The following DIAPH3 variants were observed in gnomAD, a reference collection of about 807,000 sequenced individuals.
DIAPH3 encodes protein diaphanous homolog 3.
In DIAPH3, 117 loss-of-function variants were observed where a neutral mutation model predicts 144.3. The ratio of observed to expected loss-of-function variants is 0.81; its 90% CI spans 0.70 to 0.95. The LOEUF (loss-of-function observed/expected upper bound fraction) is 0.95, where lower values mean the gene tolerates loss of function less well. Among genes scored for constraint, DIAPH3 ranks in the 40% least tolerant of loss-of-function variants. The pLI is 0.00. For synonymous variants in DIAPH3, 519 were observed against 488.9 expected (o/e 1.06, Z -0.81); for missense variants, 1,421 against 1,412.7 (o/e 1.01, Z -0.09).
chr13:59,691,659 C>T (rs576883897), intron 27 of DIAPH3, among the ~76,000 whole-genome samples: 21 of 151,720 alleles, frequency 1.4e-4, no homozygotes, highest in East Asian at 7.7e-4. Context: ...GCATGTAGAA[C>T]GAATAAAATA....
intron 3 of DIAPH3, among the ~76,000 whole-genome samples, chr13:60,106,759 A>G (rs1023301280): frequency 6.6e-6 from 1 of 152,190 alleles, no homozygotes; most frequent in Non-Finnish European, 1.5e-5. Context: ...AGGGCCAATA[A>G]GCATGTGAAA....
intron 24 of DIAPH3, among the ~76,000 whole-genome samples, chr13:59,831,168 C>T (rs2041757336): frequency 6.6e-6 from 1 of 151,714 alleles, no homozygotes; most frequent in Admixed American, 6.6e-5. Context: ...TAGAAGAATG[C>T]CTGGCTTATA....
intron 17 of DIAPH3, among the ~76,000 whole-genome samples, chr13:59,960,433 TTA>T (rs1182884475): frequency 1.3e-5 from 2 of 152,070 alleles, no homozygotes; most frequent in Non-Finnish European, 2.9e-5. Flanking sequence ...TCCTAAAAAA[TTA>T]TCACTCTTCC....
chr13:60,105,246 T>A (rs1379685529), intron 3 of DIAPH3, among the ~76,000 whole-genome samples: 1 of 152,090 alleles, frequency 6.6e-6, no homozygotes, highest in Non-Finnish European at 1.5e-5. Context: ...AAGATACAAC[T>A]TTTTTCTTAA....
Position 59,959,388 on chromosome 13 carries a change from G to A in DIAPH3, c.2074+10556C>T, listed in dbSNP as rs551150280. 2.0e-5 allele frequency among the ~76,000 whole-genome samples: 3 copies of A among 152,266 alleles called. No homozygotes were observed. In the South Asian group the frequency reaches 6.2e-4, roughly 32 times the overall value. On this transcript the variant is annotated intron_variant, in intron 17 of 27. Transcript: ENST00000400324. ...AAAGATATCAATGCCCTAATTTCTGGACCCAGTGGATATTTTACCCCACAT... is the reference window on the plus strand; with the variant it reads ...AAAGATATCAATGCCCTAATTTCTGAACCCAGTGGATATTTTACCCCACAT...
intron 27 of DIAPH3, among the ~76,000 whole-genome samples, chr13:59,735,453 C>T (rs182296289): frequency 4.6e-5 from 7 of 152,220 alleles, no homozygotes; most frequent in East Asian, 1.9e-4. Context: ...CATTTGACAT[C>T]GTGTTAGGTG....
At chr13:60,023,419 T>C (rs1414742918) in intron 5 of DIAPH3, among the ~76,000 whole-genome samples, 2 of 152,046 alleles carry the variant, frequency 1.3e-5, no homozygotes, top group Non-Finnish European at 2.9e-5. Context: ...TGTTTTTATC[T>C]ATCTTTGGTT....
intron 27 of DIAPH3, among the ~76,000 whole-genome samples, chr13:59,670,467 G>T (rs1434507982): frequency 3.3e-5 from 5 of 152,100 alleles, no homozygotes; most frequent in Non-Finnish European, 7.4e-5. Flanking sequence ...CTGTAGAAAT[G>T]AGCAAGTCAG....
At chr13:59,751,128 A>G (rs1481683855) in intron 27 of DIAPH3, among the ~76,000 whole-genome samples, 1 of 152,286 alleles carries the variant, frequency 6.6e-6, no homozygotes, top group African/African-American at 2.4e-5. Flanking sequence ...AGAAGGAACA[A>G]CAAATGGCTA....
At chr13:59,910,186 A>G (rs2046923698) in intron 20 of DIAPH3, among the ~76,000 whole-genome samples, 1 of 151,734 alleles carries the variant, frequency 6.6e-6, no homozygotes, top group Admixed American at 6.6e-5. Flanking sequence ...TAAAAAAAAA[A>G]CACTCTAAAT....
At chr13:59,784,851 G>GCACACACA (rs144477527) in intron 25 of DIAPH3, among the ~76,000 whole-genome samples, 1 of 148,592 alleles carries the variant, frequency 6.7e-6, no homozygotes, top group Admixed American at 6.7e-5. Flanking sequence ...ACACACGCGC[G>GCACACACA]CACACACACA....
chr13:59,889,101 A>AT (rs551559501), intron 20 of DIAPH3, among the ~76,000 whole-genome samples: 163 of 151,244 alleles, frequency 1.1e-3, no homozygotes, highest in Non-Finnish European at 2.0e-3. Context: ...TTCTCTTTAT[A>AT]TTTTTCCTAG....
intron 27 of DIAPH3, among the ~76,000 whole-genome samples, chr13:59,703,621 G>A (rs1033831565): frequency 6.6e-6 from 1 of 151,938 alleles, no homozygotes; most frequent in African/African-American, 2.4e-5. Context: ...TCTTATTATT[G>A]GGTGAAGCAC....
At chr13:59,733,781 C>CA (rs2036003059) in intron 27 of DIAPH3, among the ~76,000 whole-genome samples, 1 of 152,224 alleles carries the variant, frequency 6.6e-6, no homozygotes, top group Non-Finnish European at 1.5e-5. Flanking sequence ...CTTCAGCACC[C>CA]ATCACCACAG....
At chr13:59,777,757 G>A (rs1485378497) in intron 25 of DIAPH3, among the ~76,000 whole-genome samples, 1 of 151,956 alleles carries the variant, frequency 6.6e-6, no homozygotes, top group Admixed American at 6.6e-5. Flanking sequence ...AACTGGCCTA[G>A]GATCTAAAAA....
intron 18 of DIAPH3, among the ~76,000 whole-genome samples, chr13:59,918,503 T>C (rs963413417): frequency 1.3e-5 from 2 of 152,090 alleles, no homozygotes; most frequent in Admixed American, 6.6e-5. Context: ...ACAGAAGCCA[T>C]GGGCTTCAGG....
chr13:59,995,224 T>G (rs865874067), intron 9 of DIAPH3, among the ~76,000 whole-genome samples: 3 of 151,910 alleles, frequency 2.0e-5, no homozygotes, highest in African/African-American at 7.2e-5. Context: ...ACCTACAACT[T>G]CTGTCAACTG....
chr13:60,112,703 T>C (rs1243233930), intron 2 of DIAPH3, among the ~76,000 whole-genome samples: 1 of 152,164 alleles, frequency 6.6e-6, no homozygotes, highest in East Asian at 1.9e-4. Flanking sequence ...TGATAAACTA[T>C]TTATCTTTGT....
At chr13:59,946,765 AT>A (rs886285775) in intron 17 of DIAPH3, among the ~76,000 whole-genome samples, 1 of 151,994 alleles carries the variant, frequency 6.6e-6, no homozygotes, top group African/African-American at 2.4e-5. Context: ...CGGATATGTT[AT>A]TTTTTTTAAC....
Sources: allele counts gnomAD v4.1 joint callset (sites outside exome capture counted in the v4.1 genomes callset), GRCh38; gene constraint gnomAD v4.1.1; transcripts MANE v1.5; gene names NCBI Gene and HGNC (gene_info 2026-07-23, HGNC 2026-07-21).